Variants in TSPAN18 observed in about 807,000 individuals in gnomAD.
The protein encoded by TSPAN18 is tetraspanin 18.
Under a neutral mutation model 27.3 loss-of-function variants are expected in TSPAN18, and 14 were observed. The ratio of observed to expected loss-of-function variants is 0.51; its 90% confidence interval spans 0.34 to 0.80. The LOEUF (loss-of-function observed/expected upper bound fraction) is 0.80, where lower values mean the gene tolerates loss of function less well. TSPAN18 is among the 30% of genes least tolerant of loss of function. The pLI is 0.01. For missense variants in TSPAN18, 268 were observed against 323.9 expected (o/e 0.83, Z 1.32); for synonymous variants, 143 against 136.5 (o/e 1.05, Z -0.33).
rs765219127 is a variant in TSPAN18 at position 44,909,887 on chromosome 11, TCTG to T, written c.252_254del (p.Leu85del). On this transcript the variant is annotated inframe_deletion, in exon 5 of 10. Transcript: ENST00000520358. Reference sequence around the variant, plus strand: ...GCGGGGCCGTCCGTGAGAACAAGTGTCTGCTGCTATTTGTGAGTACCCCAGCCC... The same window carrying T: ...GCGGGGCCGTCCGTGAGAACAAGTGTCTGCTATTTGTGAGTACCCCAGCCC... 1.2e-6 allele frequency: 2 copies of T among 1,611,988 alleles called. No homozygotes were observed. The highest frequency in any genetic ancestry group is 2.7e-5 in the African/African-American group (2 of 75,020).
intron 2 of TSPAN18, among the ~76,000 whole-genome samples, chr11:44,775,127 G>C (rs1855775026): frequency 2.6e-5 from 4 of 152,172 alleles, no homozygotes; most frequent in Admixed American, 1.3e-4. Flanking sequence ...GGGGTCGCCA[G>C]GTACAGCAAA....
At position 44,909,810 on chromosome 11, in the gene TSPAN18, A is replaced by T. The variant is rs767084063; in HGVS notation, c.169A>T (p.Ile57Phe). The T allele has an allele frequency of 6.2e-7, 1 of 1,613,782 alleles. No individual in the cohort carries two copies. The highest frequency in any genetic ancestry group is 8.5e-7 in the Non-Finnish European group (1 of 1,179,918). The change falls in exon 5 of 10, where the codon ATC (isoleucine) becomes TTC (phenylalanine). Residue 57 changes from isoleucine to phenylalanine, a missense_variant. Transcript: ENST00000520358. ...ANPLLLTGAY[I>F]LLAMGGLLFL... ...TCCTCTGCTCCTCACGGGCGCCTAC[A>T]TCCTCCTGGCCATGGGGGGCCTGCT... is the stretch of plus-strand genomic sequence containing the variant.
chr11:44,923,050 G>A (rs112452755), intron 8 of TSPAN18, among the ~76,000 whole-genome samples: 5 of 152,124 alleles, frequency 3.3e-5, no homozygotes, highest in African/African-American at 9.7e-5. Context: ...CGGAGGTTGC[G>A]GTGAGCTGAG....
intron 2 of TSPAN18, among the ~76,000 whole-genome samples, chr11:44,800,524 A>G (rs1856456751): frequency 6.6e-6 from 1 of 152,236 alleles, no homozygotes; most frequent in Admixed American, 6.5e-5. Context: ...CACCTGGCTC[A>G]GGGCTTTACC....
At chr11:44,782,011 G>T (rs1429900430) in intron 2 of TSPAN18, among the ~76,000 whole-genome samples, 1 of 152,192 alleles carries the variant, frequency 6.6e-6, no homozygotes, top group African/African-American at 2.4e-5. Context: ...ATTGGTGCCT[G>T]TTTTAGTAGT....
intron 1 of TSPAN18, among the ~76,000 whole-genome samples, chr11:44,728,280 AAGAAATTTACCCCC>A (rs1317290286): frequency 6.6e-6 from 1 of 152,244 alleles, no homozygotes; most frequent in Non-Finnish European, 1.5e-5. Context: ...ATGGATGAGT[AAGAAATTTACCCCC>A]AGAAAAAGAT....
intron 1 of TSPAN18, among the ~76,000 whole-genome samples, chr11:44,757,542 C>G (rs903009139): frequency 6.6e-5 from 10 of 152,092 alleles, no homozygotes; most frequent in African/African-American, 2.4e-4. Flanking sequence ...TGCCACCATG[C>G]CCAGCTGACT....
chr11:44,785,432 CT>C (rs1856032065), intron 2 of TSPAN18, among the ~76,000 whole-genome samples: 1 of 152,200 alleles, frequency 6.6e-6, no homozygotes, highest in African/African-American at 2.4e-5. Context: ...AATCCCACCC[CT>C]GTAGCTGTGC....
chr11:44,903,757 C>T (rs773843091), intron 3 of TSPAN18: 32 of 456,078 alleles, frequency 7.0e-5, no homozygotes, highest in South Asian at 4.7e-4. Flanking sequence ...ACAAATCCGC[C>T]CCCCACCCCA....
intron 3 of TSPAN18, among the ~76,000 whole-genome samples, chr11:44,875,213 T>C (rs1858297407): frequency 6.6e-6 from 1 of 152,230 alleles, no homozygotes; most frequent in African/African-American, 2.4e-5. Context: ...CCAGACCATT[T>C]ACCAGGCTTT....
At chr11:44,734,843 G>A (rs1405984677) in intron 1 of TSPAN18, among the ~76,000 whole-genome samples, 1 of 152,170 alleles carries the variant, frequency 6.6e-6, no homozygotes, top group African/African-American at 2.4e-5. Context: ...GCTCTAGTGG[G>A]CCAAGTGCAC....
chr11:44,796,199 A>G (rs1180209891), intron 2 of TSPAN18, among the ~76,000 whole-genome samples: 1 of 152,138 alleles, frequency 6.6e-6, no homozygotes. Context: ...TTGCTAATTT[A>G]TTTTGACAAC....
intron 4 of TSPAN18, among the ~76,000 whole-genome samples, chr11:44,907,658 C>T (rs1052343346): frequency 1.6e-4 from 24 of 152,146 alleles, no homozygotes; most frequent in African/African-American, 5.8e-4. Context: ...CGAAATGGAG[C>T]TGGGCCCTCC....
At position 44,930,798 on chromosome 11, in the gene TSPAN18, A is replaced by C; in HGVS notation, c.*1620A>C. On this transcript the variant is annotated 3_prime_UTR_variant, in exon 10 of 10. Coordinates refer to ENST00000520358, the MANE Select transcript of TSPAN18 (RefSeq NM_130783.5). Reference sequence around the variant, plus strand: ...GTAAGTTTGATTAGTGATGTCTGCCACGGGCAGGGATGGAAGGAGCAGTGT... The same window carrying C: ...GTAAGTTTGATTAGTGATGTCTGCCCCGGGCAGGGATGGAAGGAGCAGTGT... 2.1e-6 allele frequency: 1 copy of C among 473,162 alleles called. No homozygotes were observed. The highest frequency in any genetic ancestry group is 4.4e-6 in the Non-Finnish European group (1 of 228,610). The allele number at this position is 473,162 out of a possible 1,614,324, so 29.3% of individuals were successfully genotyped here. A position where few individuals can be genotyped will look rare whatever the true frequency, so the allele number is the denominator to read the frequency against.
rs182782129 is a variant in TSPAN18, at chr11:44,769,379, G to C, written c.-153+4867G>C. ...TTCTTTTCTTGTAATGATTTTTTCT[G>C]GTTTAGGTATCAGCATAATGATGGC... On this transcript the variant is annotated intron_variant, in intron 2 of 9. Transcript: ENST00000520358. 1.3e-4 allele frequency among the ~76,000 whole-genome samples: 20 copies of C among 152,200 alleles called. No individual in the cohort carries two copies. The East Asian group carries it at 3.9e-3, about 29-fold the overall frequency.
At chr11:44,749,553 G>C (rs1298689072) in intron 1 of TSPAN18, among the ~76,000 whole-genome samples, 1 of 151,776 alleles carries the variant, frequency 6.6e-6, no homozygotes, top group Non-Finnish European at 1.5e-5. Flanking sequence ...TGCACTTCAA[G>C]CACTAAAGTG....
At chr11:44,783,676 C>T (rs370184201) in intron 2 of TSPAN18, among the ~76,000 whole-genome samples, 7 of 152,124 alleles carry the variant, frequency 4.6e-5, no homozygotes, top group East Asian at 1.9e-4. Flanking sequence ...GGATTACAGG[C>T]GTGAGCCACC....
intron 2 of TSPAN18, among the ~76,000 whole-genome samples, chr11:44,771,199 G>A (rs182901894): frequency 1.2e-4 from 19 of 152,294 alleles, no homozygotes; most frequent in Admixed American, 1.2e-3. Context: ...GAAAATTCTG[G>A]TCCCAGGGAA....
Position 44,918,050 on chromosome 11 carries a change from C to T in TSPAN18, c.333+4C>T, listed in dbSNP as rs779474763. 2.0e-5 allele frequency: 32 copies of T among 1,613,716 alleles called. No homozygotes were observed. Among genetic ancestry groups the T allele is most frequent in the African/African-American group, 5.3e-5 (4 of 74,928 alleles). Reference sequence around the variant, plus strand: ...GGCCTTCATCTTCAGGGAAAATGTACGTATCAGGCCCCAAGCTTTCCTGCC... The same window carrying T: ...GGCCTTCATCTTCAGGGAAAATGTATGTATCAGGCCCCAAGCTTTCCTGCC... On this transcript the variant is annotated splice_donor_region_variant and intron_variant, in intron 6 of 9. Transcript: ENST00000520358.
Sources: gnomAD v4.1 joint callset for allele counts (sites outside exome capture counted in the v4.1 genomes callset) on GRCh38, gnomAD v4.1.1 for gene constraint, MANE v1.5 for transcripts, NCBI Gene and HGNC (gene_info 2026-07-23, HGNC 2026-07-21) for gene names.